ZNF536: variants seen among roughly 807,000 people sequenced by gnomAD.
ZNF536 encodes zinc finger protein 536.
Under a neutral mutation model 84.5 loss-of-function variants are expected in ZNF536, and 13 were observed. The ratio of observed to expected loss-of-function variants is 0.15; its 90% CI spans 0.10 to 0.24. The LOEUF (loss-of-function observed/expected upper bound fraction) is 0.24, where lower values mean the gene tolerates loss of function less well. ZNF536 is among the 10% of genes least tolerant of loss of function. ZNF536 has a pLI of 1.00. For synonymous variants in ZNF536, 811 were observed against 742.5 expected, an observed-to-expected ratio of 1.09 and a Z score of -1.50; for missense variants, 1,536 against 1,747.5, an observed-to-expected ratio of 0.88 and a Z score of 2.16.
rs554227544 is a variant in ZNF536, at chr19:30,520,395, G to A, written c.2171-14452G>A. Among the ~76,000 whole-genome samples, 4 of 152,238 alleles carry A rather than the reference G, an allele frequency of 2.6e-5. No individual in the cohort carries two copies. The South Asian group carries it at 6.2e-4, about 24-fold the overall frequency. ...GAATGGGGAGCTCTTTGGAGATGTT[G>A]AGAGACCAATGGGATGCTGAGGCCT... is the stretch of plus-strand genomic sequence containing the variant. On this transcript the variant is annotated intron_variant, in intron 2 of 4. Coordinates refer to ENST00000355537, the MANE Select transcript of ZNF536 (RefSeq NM_014717.3).
chr19:30,650,201 C>T (rs990859512), intron 1 of ZNF536, among the ~76,000 whole-genome samples: 5 of 152,188 alleles, frequency 3.3e-5, no homozygotes, highest in African/African-American at 1.2e-4. Flanking sequence ...ACCTAGAGGC[C>T]ATTGCGAAAA....
At position 30,548,727 on chromosome 19, in the gene ZNF536, G is replaced by C. The variant is rs2146214701; in HGVS notation, c.3108G>C (p.Gly1036=). The C allele has an allele frequency of 6.2e-7, 1 of 1,613,904 alleles. No homozygotes were observed. The highest frequency in any genetic ancestry group is 1.1e-5 in the South Asian group (1 of 91,078). ...CGAAACGCAAAGATAACACCATCGGGGTCACAGTCAACTGCAAAGACCAAG... is the reference window on the plus strand; with the variant it reads ...CGAAACGCAAAGATAACACCATCGGCGTCACAGTCAACTGCAAAGACCAAG... ...GKAKRKDNTI[G]VTVNCKDQAR... is the part of the protein sequence containing the mutation. Residue 1036 remains glycine, a synonymous_variant, in exon 4 of 5, where the codon GGG becomes GGC. Coordinates refer to ENST00000355537, the MANE Select transcript of ZNF536 (RefSeq NM_014717.3).
chr19:30,440,014 G>A (rs2051960416), intron 1 of ZNF536, among the ~76,000 whole-genome samples: 2 of 135,748 alleles, frequency 1.5e-5, no homozygotes, highest in Non-Finnish European at 1.5e-5. Flanking sequence ...AGGCTGGAGT[G>A]CAATGGCATG....
At chr19:30,557,116 G>A in intron 4 of ZNF536, 41 bp from the exon 5 acceptor site, 2 of 1,612,132 alleles carry the variant, frequency 1.2e-6, no homozygotes, top group Non-Finnish European at 1.7e-6. Context: ...TAGCCCTGAT[G>A]GTTTCTGGAT....
At chr19:30,258,566 C>T (rs969448693) in intron 1 of ZNF536, among the ~76,000 whole-genome samples, 3 of 152,120 alleles carry the variant, frequency 2.0e-5, no homozygotes, top group Admixed American at 6.6e-5. Flanking sequence ...TCCTCATCAG[C>T]GAGCACCTTG....
At chr19:30,356,897 G>T (rs1250917898) in intron 3 of ZNF536, among the ~76,000 whole-genome samples, 2 of 152,222 alleles carry the variant, frequency 1.3e-5, no homozygotes, top group Non-Finnish European at 2.9e-5. Context: ...TCTGAGCATA[G>T]CTCTTCCTGA....
Position 30,564,329 on chromosome 19 carries a change from G to A in ZNF536, c.169+14815G>A, listed in dbSNP as rs961758308. 5.9e-5 allele frequency among the ~76,000 whole-genome samples: 9 copies of A among 152,186 alleles called. No individual in the cohort carries two copies. The East Asian group carries it at 1.7e-3, about 30-fold the overall frequency. On this transcript the variant is annotated intron_variant, in intron 1 of 1. Coordinates refer to the ZNF536 transcript ENST00000592773. ...AAGAAAAAAGGAAAGGAGAAGGTAA[G>A]AGAGAAAACAAGTAAGAAGAGAGTA... is the stretch of plus-strand genomic sequence containing the variant.
chr19:30,264,495 T>G (rs973184337), intron 1 of ZNF536, among the ~76,000 whole-genome samples: 1 of 151,914 alleles, frequency 6.6e-6, no homozygotes, highest in Admixed American at 6.6e-5. Context: ...AGGTTTCAAG[T>G]TCTGAAATAT....
intron 2 of ZNF536, among the ~76,000 whole-genome samples, chr19:30,447,122 C>T (rs2052388022): frequency 6.6e-6 from 1 of 152,228 alleles, no homozygotes; most frequent in South Asian, 2.1e-4. Context: ...CACCTCGAGG[C>T]ACTGCCTTGC....
chr19:30,307,742 G>T (rs117246173), intron 2 of ZNF536, among the ~76,000 whole-genome samples: 1 of 152,118 alleles, frequency 6.6e-6, no homozygotes, highest in East Asian at 1.9e-4. Flanking sequence ...AAGTAAAACC[G>T]GCGACAATGA....
intron 1 of ZNF536, among the ~76,000 whole-genome samples, chr19:30,385,595 C>T (rs904889325): frequency 3.9e-5 from 6 of 152,166 alleles, no homozygotes; most frequent in Non-Finnish European, 2.9e-5. Context: ...CAAGGCATCT[C>T]CCCAGGCATC....
At chr19:30,620,867 C>T (rs1423484420) in intron 1 of ZNF536, among the ~76,000 whole-genome samples, 1 of 150,486 alleles carries the variant, frequency 6.6e-6, no homozygotes, top group African/African-American at 2.4e-5. Flanking sequence ...TACCCCAATT[C>T]TGGCAAAAAA....
upstream of ZNF536, among the ~76,000 whole-genome samples, chr19:30,226,481 T>C (rs2022621075): frequency 6.6e-6 from 1 of 151,930 alleles, no homozygotes; most frequent in Admixed American, 6.5e-5. This position sits in a 1 kb window ranked among gnomAD's most constrained non-coding sequence, Gnocchi z 4.6. Flanking sequence ...TCTGCCATTT[T>C]GTGATTGCAT....
In ZNF536 at chr19:30,445,148, G is replaced by T. The variant is rs550999578; in HGVS notation, c.1586G>T (p.Arg529Met). Reference protein sequence around the residue: ...NSYQAWQLMARGMAMEHGFLS... With the variant: ...NSYQAWQLMAMGMAMEHGFLS... ...TACCAGGCTTGGCAGCTCATGGCCA[G>T]GGGCATGGCCATGGAACATGGCTTC... Residue 529 changes from arginine (R) to methionine (M), a missense_variant, in exon 2 of 5, where the codon AGG becomes ATG. Arg to Met is a moderately conservative substitution (Grantham distance 91). Coordinates refer to ENST00000355537, the MANE Select transcript of ZNF536 (RefSeq NM_014717.3). The surrounding 1 kb of genome is among the most constrained non-coding windows in gnomAD (Gnocchi z 4.5). 1 of 1,614,112 alleles carries T rather than the reference G, an allele frequency of 6.2e-7. No homozygotes were observed. The highest frequency in any genetic ancestry group is 1.1e-5 in the South Asian group (1 of 91,082).
At chr19:30,621,507 T>C (rs1384321794) in intron 1 of ZNF536, among the ~76,000 whole-genome samples, 1 of 152,154 alleles carries the variant, frequency 6.6e-6, no homozygotes, top group Non-Finnish European at 1.5e-5. Flanking sequence ...CAGTCCATAT[T>C]AGATGAAATC....
intron 1 of ZNF536, among the ~76,000 whole-genome samples, chr19:30,234,783 G>A (rs939252057): frequency 1.3e-4 from 19 of 148,976 alleles, no homozygotes; most frequent in African/African-American, 4.3e-4. Context: ...ACGCGCACAC[G>A]CACCCCACAC....
At chr19:30,477,580 G>T (rs1321312609) in intron 2 of ZNF536, among the ~76,000 whole-genome samples, 1 of 152,180 alleles carries the variant, frequency 6.6e-6, no homozygotes, top group Non-Finnish European at 1.5e-5. Flanking sequence ...GCAGTGGTTG[G>T]TTCCTTCTAC....
intron 2 of ZNF536, among the ~76,000 whole-genome samples, chr19:30,509,762 A>T (rs2145497968): frequency 6.6e-6 from 1 of 152,334 alleles, no homozygotes; most frequent in Non-Finnish European, 1.5e-5. Flanking sequence ...CTCATGTTGC[A>T]CATTTGACTT....
intron 2 of ZNF536, among the ~76,000 whole-genome samples, chr19:30,509,484 T>C (rs952973720): frequency 6.7e-6 from 1 of 148,330 alleles, no homozygotes; most frequent in Non-Finnish European, 1.5e-5. Flanking sequence ...TTATGTATAA[T>C]ATATAGCTAT....
Sources: allele counts gnomAD v4.1 joint callset (sites outside exome capture counted in the v4.1 genomes callset), GRCh38; gene constraint gnomAD v4.1.1; non-coding constraint Gnocchi (gnomAD v3.1); transcripts MANE v1.5; gene names NCBI Gene and HGNC (gene_info 2026-07-23, HGNC 2026-07-21).